Variants in MAX observed in about 807,000 individuals in gnomAD.
MAX encodes MYC associated transcriptional regulator X.
A neutral mutation model predicts 22.3 loss-of-function variants in MAX; 3 were observed. The observed-to-expected ratio is 0.13, with a 90% CI of 0.06 to 0.35. The LOEUF is 0.35. Among genes scored for constraint, MAX ranks in the 10% least tolerant of loss-of-function variants. The pLI is 1.00. For synonymous variants in MAX, 72 were observed against 77.7 expected (o/e 0.93, Z 0.39); for missense variants, 119 against 209.4 (o/e 0.57, Z 2.66).
chr14:65,065,061 C>A (rs1271368215), intron 3 of MAX, among the ~76,000 whole-genome samples: 4 of 152,210 alleles, frequency 2.6e-5, no homozygotes, highest in Non-Finnish European at 4.4e-5. Flanking sequence ...TTTGTCCTTG[C>A]CCCAGTGATC....
chr14:65,049,121 C>T (rs1595090311), intron 3 of MAX, among the ~76,000 whole-genome samples: 2 of 114,010 alleles, frequency 1.8e-5, no homozygotes, highest in Non-Finnish European at 3.6e-5. Context: ...GGCAGGACTC[C>T]GTCTAAAAAA....
At chr14:65,071,690 C>A (rs1028982848), downstream of MAX, among the ~76,000 whole-genome samples, 1 of 152,234 alleles carries the variant, frequency 6.6e-6, no homozygotes, top group Non-Finnish European at 1.5e-5. The surrounding 1 kb of genome is among the most constrained non-coding windows in gnomAD (Gnocchi z 4.2). Flanking sequence ...TCCAGACAGG[C>A]GGGCTCAGAG....
At chr14:65,060,251 C>T (rs944314065) in intron 3 of MAX, among the ~76,000 whole-genome samples, 1 of 151,936 alleles carries the variant, frequency 6.6e-6, no homozygotes, top group Admixed American at 6.6e-5. Context: ...GGTATGGGTA[C>T]AATTTTTGCT....
rs779631105 is a variant in MAX at position 65,069,094 on chromosome 14, C to T, written c.171+24614G>A. 2.0e-5 allele frequency among the ~76,000 whole-genome samples: 3 copies of T among 152,206 alleles called. No individual in the cohort carries two copies. The highest frequency in any genetic ancestry group is 4.8e-5 in the African/African-American group (2 of 41,452). On this transcript the variant is annotated intron_variant, in intron 3 of 3. Coordinates refer to the MAX transcript ENST00000341653. The surrounding 1 kb of genome is among the most constrained non-coding windows in gnomAD (Gnocchi z 4.6). ...AAGTGCTAGGTGTCCATGCTCCTTGCGAGGCTCCATCCCCCCAGCCCCTCT... is the reference window on the plus strand; with the variant it reads ...AAGTGCTAGGTGTCCATGCTCCTTGTGAGGCTCCATCCCCCCAGCCCCTCT...
At chr14:65,102,280 G>T (rs781616590) in intron 1 of MAX, 24 bp downstream of exon 1, 3 of 1,613,542 alleles carry the variant, frequency 1.9e-6, no homozygotes, top group Non-Finnish European at 1.7e-6. Flanking sequence ...ACCCGCACGG[G>T]AAGGAAGAAG....
rs761928445 is a variant in MAX at position 65,027,771 on chromosome 14, G to C, written c.172-21487C>G. On this transcript the variant is annotated intron_variant, in intron 3 of 3. Coordinates refer to the MAX transcript ENST00000341653. The surrounding 1 kb of genome is among the most constrained non-coding windows in gnomAD (Gnocchi z 5.7). The stretch of plus-strand genomic sequence containing the variant: ...CTTTCTCATGCATGTCGGAGGTGAG[G>C]TGGATGTGAGGTGAGTGGGGTTTTG... The C allele has an allele frequency of 2.5e-6, 4 of 1,614,138 alleles. No individual in the cohort carries two copies. The South Asian group carries it at 3.3e-5, about 13-fold the overall frequency.
At chr14:65,070,625 G>A (rs1007862918), downstream of MAX, among the ~76,000 whole-genome samples, 2 of 152,226 alleles carry the variant, frequency 1.3e-5, no homozygotes, top group Non-Finnish European at 2.9e-5. This position sits in a 1 kb window ranked among gnomAD's most constrained non-coding sequence, Gnocchi z 4.4. Context: ...GGTGTGTTGT[G>A]TGTGCGAGCG....
At chr14:65,057,682 AGCTT>A (rs1172105442) in intron 3 of MAX, among the ~76,000 whole-genome samples, 26 of 152,316 alleles carry the variant, frequency 1.7e-4, no homozygotes, top group African/African-American at 6.0e-4. Context: ...AATAGTCTAA[AGCTT>A]GCTTTTTTAA....
intron 3 of MAX, among the ~76,000 whole-genome samples, chr14:65,016,050 T>C (rs1273290423): frequency 6.6e-6 from 1 of 152,208 alleles, no homozygotes; most frequent in Admixed American, 6.5e-5. Context: ...AGTATGCATT[T>C]GAACAGCTTC....
At chr14:65,013,148 T>C (rs2061709921) in intron 3 of MAX, among the ~76,000 whole-genome samples, 1 of 152,108 alleles carries the variant, frequency 6.6e-6, no homozygotes, top group Admixed American at 6.6e-5. Context: ...ATTTGATTAT[T>C]TGTGGCAATG....
chr14:65,052,906 A>C (rs2062646532), intron 3 of MAX, among the ~76,000 whole-genome samples: 1 of 152,158 alleles, frequency 6.6e-6, no homozygotes. Flanking sequence ...GGGAGCAGCT[A>C]CCGAGGTCAG....
intron 3 of MAX, chr14:65,040,841 T>C: frequency 2.5e-6 from 4 of 1,613,916 alleles, no homozygotes; most frequent in Non-Finnish European, 3.4e-6. Flanking sequence ...TGGAAGCCCA[T>C]GGTGGCTATA....
In MAX at chr14:65,084,489, T is replaced by C. The variant is rs1343643580; in HGVS notation, c.172-6453A>G. Among the ~76,000 whole-genome samples the C allele has an allele frequency of 7.1e-6, 1 of 141,744 alleles. No individual in the cohort carries two copies. Among genetic ancestry groups the C allele is most frequent in the South Asian group, 2.3e-4 (1 of 4,382 alleles). The allele number at this position is 141,744 out of a possible 152,430, so 93.0% of individuals were successfully genotyped here. The stretch of plus-strand genomic sequence containing the variant: ...AATTTGCTTGAAAAAAAGAAAGAAA[T>C]GGAAGAAAGAGGATATAAAAACAAT... On this transcript the variant is annotated intron_variant, in intron 3 of 4. Coordinates refer to ENST00000358664, the MANE Select transcript of MAX (RefSeq NM_002382.5). The surrounding 1 kb of genome is among the most constrained non-coding windows in gnomAD (Gnocchi z 4.3).
At position 65,054,495 on chromosome 14, in the gene MAX, G is replaced by A; in HGVS notation, c.171+39213C>T. The A allele has an allele frequency of 1.4e-6, 2 of 1,381,096 alleles. No homozygotes were observed. The highest frequency in any genetic ancestry group is 2.0e-6 in the Non-Finnish European group (2 of 998,592). The allele number at this position is 1,381,096 out of a possible 1,614,324, so 85.6% of individuals were successfully genotyped here. ...GGGGGGGACGTGTGATTGCACCAGT[G>A]GTCTCTGAATTGGTGTGGCTACATT... On this transcript the variant is annotated intron_variant, in intron 3 of 3. Transcript: ENST00000341653. The surrounding 1 kb of genome is among the most constrained non-coding windows in gnomAD (Gnocchi z 4.4).
downstream of MAX, chr14:65,075,057 A>G (rs1310168045): frequency 6.9e-6 from 7 of 1,009,972 alleles, no homozygotes; most frequent in East Asian, 4.2e-4. This position sits in a 1 kb window ranked among gnomAD's most constrained non-coding sequence, Gnocchi z 4.1. Context: ...TTGAGGCCCT[A>G]ACAGCTTCCA....
intron 3 of MAX, among the ~76,000 whole-genome samples, chr14:65,058,031 T>C (rs959388479): frequency 6.6e-6 from 1 of 152,234 alleles, no homozygotes; most frequent in East Asian, 1.9e-4. Context: ...TTCCTGTGAA[T>C]TGTAGGATCA....
intron 3 of MAX, chr14:65,015,788 CT>C (rs2061762887): frequency 2.6e-6 from 4 of 1,556,024 alleles, no homozygotes; most frequent in South Asian, 1.1e-5. Context: ...TGTTTTGTTT[CT>C]GTTTTGTTTG....
rs58241887 is a variant in MAX, at chr14:65,060,870, C to CAA, written c.171+32836_171+32837dup. Among the ~76,000 whole-genome samples the CAA allele has an allele frequency of 9.9e-3, 787 of 79,450 alleles. 24 individuals carry two copies. Among genetic ancestry groups the CAA allele is most frequent in the Non-Finnish European group, 0.017 (640 of 38,198 alleles). 52.1% of individuals were successfully genotyped at this position (79,450 alleles called of 152,430 possible). A position where few individuals can be genotyped will look rare whatever the true frequency, so the allele number is the denominator to read the frequency against. On this transcript the variant is annotated intron_variant, in intron 3 of 3. Coordinates refer to the MAX transcript ENST00000341653. ...CCTGGGCAACAGAGCAAGACTCTCT[C>CAA]AAAAAAAAAAAAAAAAAAAAAAAAA...
intron 3 of MAX, among the ~76,000 whole-genome samples, chr14:65,018,088 C>A (rs2061814024): frequency 6.6e-6 from 1 of 152,076 alleles, no homozygotes; most frequent in Non-Finnish European, 1.5e-5. Flanking sequence ...ACACCTGTAA[C>A]CCCAGCACTT....
Sources: gnomAD v4.1 joint callset for allele counts (sites outside exome capture counted in the v4.1 genomes callset) on GRCh38, gnomAD v4.1.1 for gene constraint, Gnocchi (gnomAD v3.1) non-coding constraint, MANE v1.5 for transcripts, NCBI Gene and HGNC (gene_info 2026-07-23, HGNC 2026-07-21) for gene names.